PINX1: variants seen among roughly 807,000 people sequenced by gnomAD.
PINX1 encodes the protein PIN2 (TERF1) interacting telomerase inhibitor 1.
In PINX1, 34 loss-of-function variants were observed where a neutral mutation model predicts 25.4. The ratio of observed to expected loss-of-function variants is 1.34; its 90% CI spans 1.02 to 1.78. PINX1 has a LOEUF of 1.78. Among genes scored for constraint, PINX1 ranks in the 40% most tolerant of loss-of-function variants. The pLI, the probability that PINX1 is intolerant of heterozygous loss-of-function variation, is 0.00. For synonymous variants in PINX1, 197 were observed against 147.7 expected, an observed-to-expected ratio of 1.33 and a Z score of -2.42; for missense variants, 592 against 404.9, an observed-to-expected ratio of 1.46 and a Z score of -3.97.
intron 6 of PINX1, among the ~76,000 whole-genome samples, chr8:10,789,015 C>T (rs946632130): frequency 6.6e-6 from 1 of 152,138 alleles, no homozygotes; most frequent in Non-Finnish European, 1.5e-5. Flanking sequence ...GATTGAAGAG[C>T]AGAGCCCTTT....
intron 6 of PINX1, among the ~76,000 whole-genome samples, chr8:10,778,395 G>C (rs1005726552): frequency 6.6e-6 from 1 of 152,018 alleles, no homozygotes; most frequent in Non-Finnish European, 1.5e-5. Flanking sequence ...CAAATCATTT[G>C]TCCTGTAAAG....
At chr8:10,812,346 G>T (rs1797548531) in intron 6 of PINX1, among the ~76,000 whole-genome samples, 1 of 152,196 alleles carries the variant, frequency 6.6e-6, no homozygotes, top group Admixed American at 6.5e-5. Flanking sequence ...AAACCTTCCA[G>T]CACCGTTTCA....
intron 6 of PINX1, among the ~76,000 whole-genome samples, chr8:10,799,113 AT>A (rs60240620): frequency 0.17 from 25,104 of 151,480 alleles, 2,515 homozygotes; most frequent in Non-Finnish European, 0.23. Context: ...AAAACACAGT[AT>A]TTAAAAAAAG....
intron 6 of PINX1, among the ~76,000 whole-genome samples, chr8:10,811,311 G>A (rs1797515472): frequency 6.6e-6 from 1 of 152,172 alleles, no homozygotes; most frequent in African/African-American, 2.4e-5. Context: ...CCCTGAACCA[G>A]TTGCCCTTTA....
At chr8:10,820,317 G>C (rs1249136325) in intron 5 of PINX1, 48 bp from the exon 6 acceptor site, 3 of 1,330,326 alleles carry the variant, frequency 2.3e-6, no homozygotes, top group East Asian at 2.3e-5. Context: ...CTTCCTAAAA[G>C]AAAGAGCGCA....
In PINX1 at chr8:10,765,243, G is replaced by T; in HGVS notation, c.*158C>A. The stretch of plus-strand genomic sequence containing the variant: ...GTCCTCCTGGGAATGTAACTTGGGG[G>T]AAATGTGGCGAGAGGGCAGGACTCG... On this transcript the variant is annotated 3_prime_UTR_variant, in exon 7 of 7. Transcript: ENST00000314787. 1 of 600,344 alleles carries T rather than the reference G, an allele frequency of 1.7e-6. No individual in the cohort carries two copies. Among genetic ancestry groups the T allele is most frequent in the Non-Finnish European group, 2.8e-6 (1 of 357,944 alleles). The allele number at this position is 600,344 out of a possible 1,614,324, so 37.2% of individuals were successfully genotyped here.
chr8:10,818,714 G>A (rs539350275), intron 6 of PINX1, among the ~76,000 whole-genome samples: 15 of 152,266 alleles, frequency 9.9e-5, no homozygotes, highest in East Asian at 7.7e-4. Flanking sequence ...TGGGAGGGAC[G>A]TGGAGTTGAT....
chr8:10,827,965 G>T (rs1028628882), intron 4 of PINX1, among the ~76,000 whole-genome samples: 1 of 148,602 alleles, frequency 6.7e-6, no homozygotes, highest in Non-Finnish European at 1.5e-5. Flanking sequence ...GGATATAAGA[G>T]AAATTGGAAA....
At chr8:10,790,150 T>A (rs145391749) in intron 6 of PINX1, among the ~76,000 whole-genome samples, 1 of 152,204 alleles carries the variant, frequency 6.6e-6, no homozygotes, top group African/African-American at 2.4e-5. Flanking sequence ...AAGGTCCCCA[T>A]GCTTCTCTCA....
At chr8:10,774,425 G>T (rs1369492332) in intron 6 of PINX1, among the ~76,000 whole-genome samples, 2 of 152,070 alleles carry the variant, frequency 1.3e-5, no homozygotes, top group African/African-American at 2.4e-5. Flanking sequence ...GGGATTACAG[G>T]CATGTGCCAC....
At chr8:10,774,713 CAA>C (rs1563202728) in intron 6 of PINX1, among the ~76,000 whole-genome samples, 2 of 152,110 alleles carry the variant, frequency 1.3e-5, no homozygotes, top group East Asian at 1.9e-4. Context: ...AGTTGACTAA[CAA>C]AAAAAGTCTC....
chr8:10,771,595 G>A (rs1801224197), intron 6 of PINX1, among the ~76,000 whole-genome samples: 1 of 152,182 alleles, frequency 6.6e-6, no homozygotes, highest in African/African-American at 2.4e-5. Context: ...TGAGGAACAA[G>A]GTACAGTAAG....
intron 6 of PINX1, among the ~76,000 whole-genome samples, chr8:10,793,981 T>C (rs1802005028): frequency 1.3e-5 from 2 of 152,210 alleles, no homozygotes; most frequent in African/African-American, 4.8e-5. Context: ...GCTACGCTGC[T>C]CAACATAGCA....
At chr8:10,802,198 T>C (rs995839021) in intron 6 of PINX1, among the ~76,000 whole-genome samples, 1 of 152,190 alleles carries the variant, frequency 6.6e-6, no homozygotes, top group African/African-American at 2.4e-5. Context: ...GCCTGCAGCA[T>C]TCAATGCCAG....
chr8:10,815,381 C>T (rs1049026179), intron 6 of PINX1, among the ~76,000 whole-genome samples: 4 of 152,188 alleles, frequency 2.6e-5, no homozygotes, highest in Non-Finnish European at 4.4e-5. Flanking sequence ...AATTTCTATA[C>T]ATTATATTCA....
intron 6 of PINX1, among the ~76,000 whole-genome samples, chr8:10,818,895 T>C (rs17152547): frequency 0.025 from 3,794 of 152,244 alleles, 178 homozygotes; most frequent in African/African-American, 0.087. Flanking sequence ...CCAGAGGCCA[T>C]GTCCTTGGTG....
At chr8:10,833,120 G>A (rs890673843) in intron 2 of PINX1, 136 bp from the exon 3 acceptor site, 2 of 566,652 alleles carry the variant, frequency 3.5e-6, no homozygotes, top group Admixed American at 3.3e-5. Flanking sequence ...CTTTCACAAA[G>A]CAACATGGGG....
intron 6 of PINX1, among the ~76,000 whole-genome samples, chr8:10,791,588 A>G (rs1377395565): frequency 1.3e-5 from 2 of 152,226 alleles, no homozygotes; most frequent in Non-Finnish European, 2.9e-5. Context: ...ATTAGAATTT[A>G]GGCTTCAGTG....
At position 10,839,874 on chromosome 8, in the gene PINX1, A is replaced by C; in HGVS notation, c.-118T>G. On this transcript the variant is annotated 5_prime_UTR_variant, in exon 1 of 7. Coordinates refer to ENST00000314787, the MANE Select transcript of PINX1 (RefSeq NM_017884.6). ...CTCCCTCGCCGGCGGACTGCAGCGG[A>C]CGGGGCGCGTGCTGGTGACGTCAGT... The C allele has an allele frequency of 9.8e-7, 1 of 1,019,348 alleles. No individual in the cohort carries two copies. The highest frequency in any genetic ancestry group is 1.4e-6 in the Non-Finnish European group (1 of 700,216). The allele number at this position is 1,019,348 out of a possible 1,614,324, so 63.1% of individuals were successfully genotyped here.
Sources: gnomAD v4.1 joint callset for allele counts (sites outside exome capture counted in the v4.1 genomes callset) on GRCh38, gnomAD v4.1.1 for gene constraint, MANE v1.5 for transcripts, NCBI Gene and HGNC (gene_info 2026-07-23, HGNC 2026-07-21) for gene names.